The following IPO11 variants were observed in gnomAD, a reference collection of about 807,000 sequenced individuals.
IPO11 encodes importin 11, also known as importin-11.
In IPO11, 66 loss-of-function variants were observed where a neutral mutation model predicts 143.2. The observed-to-expected ratio is 0.46, with a 90% CI of 0.38 to 0.57. The LOEUF is 0.57. IPO11 is among the 20% of genes least tolerant of loss of function. The probability of loss-of-function intolerance (pLI) is 0.00; values close to 1 mark genes in which losing one functional copy is unlikely to be tolerated. For synonymous variants in IPO11, 385 were observed against 377.8 expected (o/e 1.02, Z -0.22); for missense variants, 1,026 against 1,141.0 (o/e 0.90, Z 1.45).
chr5:62,550,351 T>C lies in IPO11; in HGVS notation c.2251-16T>C, dbSNP rs758125028. ...GACTTGCAGTATTATCACCAATCTT[T>C]CTTTCTGGTTTTTAGGTTGTGGAAA... On this transcript the variant is annotated splice_polypyrimidine_tract_variant and intron_variant, in intron 24 of 29. Coordinates refer to ENST00000325324, the MANE Select transcript of IPO11 (RefSeq NM_016338.5). The C allele has an allele frequency of 3.7e-5, 58 of 1,574,908 alleles. No homozygotes were observed. The highest frequency in any genetic ancestry group is 5.0e-5 in the Non-Finnish European group (57 of 1,147,118).
chr5:62,610,333 T>C (rs1745882877), intron 29 of IPO11, among the ~76,000 whole-genome samples: 1 of 152,212 alleles, frequency 6.6e-6, no homozygotes, highest in Admixed American at 6.5e-5. Context: ...ACAAAGTTTG[T>C]AGATAGATAA....
intron 29 of IPO11, among the ~76,000 whole-genome samples, chr5:62,625,988 T>C (rs12521329): frequency 0.71 from 108,070 of 152,176 alleles, 39,004 homozygotes; most frequent in African/African-American, 0.84. Context: ...CACCCAGTTT[T>C]TCCTAATGTT....
intron 19 of IPO11, among the ~76,000 whole-genome samples, chr5:62,509,028 T>C (rs1231573484): frequency 2.0e-5 from 3 of 152,250 alleles, no homozygotes; most frequent in Admixed American, 2.0e-4. Flanking sequence ...TTCTGACACA[T>C]ACAGTTTAAT....
chr5:62,499,061 A>T (rs1019705281), intron 16 of IPO11, among the ~76,000 whole-genome samples: 4 of 152,208 alleles, frequency 2.6e-5, no homozygotes, highest in African/African-American at 9.6e-5. Flanking sequence ...TGAAGCAAAG[A>T]AATGGCCGTC....
chr5:62,598,387 G>C lies in IPO11; in HGVS notation c.2679-3377G>C, dbSNP rs76555663. ...CGACCCATAAATTGTTTGCTTGCTT[G>C]CTTGCTTTCTTTCTTTCTTTCTTTC... is the stretch of plus-strand genomic sequence containing the variant. On this transcript the variant is annotated intron_variant, in intron 28 of 29. Coordinates refer to ENST00000325324, the MANE Select transcript of IPO11 (RefSeq NM_016338.5). Among the ~76,000 whole-genome samples the C allele has an allele frequency of 1.1e-4, 4 of 36,224 alleles. 1 individual carries two copies. Among genetic ancestry groups the C allele is most frequent in the African/African-American group, 8.3e-4 (4 of 4,822 alleles). 23.8% of individuals were successfully genotyped at this position (36,224 alleles called of 152,430 possible). A position where few individuals can be genotyped will look rare whatever the true frequency, so the allele number is the denominator to read the frequency against.
chr5:62,544,796 A>T (rs914434237), intron 24 of IPO11, among the ~76,000 whole-genome samples: 1 of 152,216 alleles, frequency 6.6e-6, no homozygotes, highest in Admixed American at 6.5e-5. Flanking sequence ...AAGCATTTTT[A>T]TACACCAATA....
chr5:62,416,133 G>A (rs1274601167), intron 1 of IPO11, among the ~76,000 whole-genome samples: 1 of 150,428 alleles, frequency 6.6e-6, no homozygotes, highest in East Asian at 1.9e-4. Context: ...GTCATCCTGT[G>A]TGTACATGCA....
chr5:62,622,822 TA>T (rs1746423212), intron 29 of IPO11, among the ~76,000 whole-genome samples: 1 of 152,252 alleles, frequency 6.6e-6, no homozygotes, highest in African/African-American at 2.4e-5. Context: ...TATATACGGT[TA>T]TTTTTATCTC....
At chr5:62,597,640 C>G (rs57973534) in intron 28 of IPO11, among the ~76,000 whole-genome samples, 6 of 152,174 alleles carry the variant, frequency 3.9e-5, no homozygotes, top group African/African-American at 1.4e-4. Flanking sequence ...TTACACTTTA[C>G]TGTGTACGAA....
chr5:62,573,532 T>C (rs559934152), intron 27 of IPO11, among the ~76,000 whole-genome samples: 1 of 152,034 alleles, frequency 6.6e-6, no homozygotes, highest in African/African-American at 2.4e-5. Context: ...GTGTGATCTG[T>C]GAGCTGATGG....
intron 27 of IPO11, chr5:62,579,933 G>A: frequency 1.3e-6 from 2 of 1,551,224 alleles, no homozygotes; most frequent in Non-Finnish European, 1.7e-6. Flanking sequence ...ATCTACAAAG[G>A]AATCGCCTCA....
rs543249035 is a variant in IPO11 at position 62,550,666 on chromosome 5, A to G, written c.2346+204A>G. On this transcript the variant is annotated intron_variant, in intron 25 of 29. Transcript: ENST00000325324. ...TTTCTTTGACATGTGTCTTTCAAACATATGCATGTATGTTCACACAAAAAT... is the reference window on the plus strand; with the variant it reads ...TTTCTTTGACATGTGTCTTTCAAACGTATGCATGTATGTTCACACAAAAAT... Among the ~76,000 whole-genome samples, 97 of 152,324 alleles carry G rather than the reference A, an allele frequency of 6.4e-4. No individual in the cohort carries two copies. Among genetic ancestry groups the G allele is most frequent in the African/African-American group, 2.3e-3 (94 of 41,570 alleles).
At chr5:62,510,608 T>C (rs1380565595) in intron 19 of IPO11, among the ~76,000 whole-genome samples, 2 of 152,206 alleles carry the variant, frequency 1.3e-5, no homozygotes, top group East Asian at 3.8e-4. Context: ...ATTTCCTTAG[T>C]TGCCCCATAT....
rs7728243 is a variant in IPO11 at position 62,593,953 on chromosome 5, G to T, written c.2678+2281G>T. Among the ~76,000 whole-genome samples the T allele has an allele frequency of 4.7e-3, 719 of 152,288 alleles. 4 individuals are homozygous for T. The highest frequency in any genetic ancestry group is 0.016 in the African/African-American group (680 of 41,568). On this transcript the variant is annotated intron_variant, in intron 28 of 29. Transcript: ENST00000325324. ...AAGGCATAAATAAACTTTCAGAAATGCCTGTGTGAGAAACATAAAATACAT... is the reference window on the plus strand; with the variant it reads ...AAGGCATAAATAAACTTTCAGAAATTCCTGTGTGAGAAACATAAAATACAT...
chr5:62,484,227 G>A lies in IPO11; in HGVS notation c.1174+65G>A, dbSNP rs538117712. 2.2e-4 allele frequency: 300 copies of A among 1,358,008 alleles called. No homozygotes were observed. The African/African-American group carries it at 3.7e-3, about 17-fold the overall frequency. The allele number at this position is 1,358,008 out of a possible 1,614,324, so 84.1% of individuals were successfully genotyped here. On this transcript the variant is annotated intron_variant, in intron 11 of 29. Transcript: ENST00000325324. The stretch of plus-strand genomic sequence containing the variant: ...CCTTTCTATAAATATCTGTTTGAGT[G>A]ATAGGTATAATATTGTATTTTCATA...
At chr5:62,553,403 G>A (rs1743462135) in intron 26 of IPO11, among the ~76,000 whole-genome samples, 1 of 151,412 alleles carries the variant, frequency 6.6e-6, no homozygotes, top group Non-Finnish European at 1.5e-5. Context: ...TGGGTGCCTA[G>A]GTTAATTCCA....
chr5:62,464,118 C>CTGGTCTATG (rs1263955466), intron 5 of IPO11, among the ~76,000 whole-genome samples: 1 of 139,330 alleles, frequency 7.2e-6, no homozygotes, highest in Non-Finnish European at 1.5e-5. Context: ...GCCACCGCAT[C>CTGGTCTATG]TGGTCTATGT....
chr5:62,551,976 T>C (rs1185673352), intron 26 of IPO11, among the ~76,000 whole-genome samples: 7 of 152,060 alleles, frequency 4.6e-5, no homozygotes, highest in East Asian at 3.9e-4. Context: ...TACAAAAAAT[T>C]AGCCCGGCGC....
chr5:62,491,734 C>G (rs1296401695), intron 15 of IPO11, among the ~76,000 whole-genome samples: 1 of 147,786 alleles, frequency 6.8e-6, no homozygotes, highest in Admixed American at 6.8e-5. Context: ...GGCGCGATCT[C>G]GACTCACTGC....
Sources: allele counts gnomAD v4.1 joint callset (sites outside exome capture counted in the v4.1 genomes callset), GRCh38; gene constraint gnomAD v4.1.1; transcripts MANE v1.5; gene names NCBI Gene and HGNC (gene_info 2026-07-23, HGNC 2026-07-21).